ARFGAP1: variants seen among roughly 807,000 people sequenced by gnomAD.
ARFGAP1 encodes ADP-ribosylation factor GTPase-activating protein 1.
In ARFGAP1, 26 loss-of-function variants were observed where a neutral mutation model predicts 54.0. The observed-to-expected ratio is 0.48, with a 90% confidence interval of 0.35 to 0.67. The LOEUF (loss-of-function observed/expected upper bound fraction) is 0.67. ARFGAP1 is among the 30% of genes least tolerant of loss of function. ARFGAP1 has a pLI of 0.00. For synonymous variants in ARFGAP1, 248 were observed against 211.9 expected, an observed-to-expected ratio of 1.17 and a Z score of -1.48; for missense variants, 525 against 535.8, an observed-to-expected ratio of 0.98 and a Z score of 0.20.
In ARFGAP1 at chr20:63,282,811, C is replaced by T. The variant is rs752122107; in HGVS notation, c.685-8C>T. On this transcript the variant is annotated splice_polypyrimidine_tract_variant and splice_region_variant and intron_variant, in intron 8 of 12. Transcript: ENST00000370283. Reference sequence around the variant, plus strand: ...TCTGTCAAGCCTTGTCTTTGTTTTTCATTTTAGGCTACAAAGTTTGGATCC... The same window carrying T: ...TCTGTCAAGCCTTGTCTTTGTTTTTTATTTTAGGCTACAAAGTTTGGATCC... 17 of 1,613,916 alleles carry T rather than the reference C, an allele frequency of 1.1e-5. No individual in the cohort carries two copies. In the South Asian group the frequency reaches 1.9e-4, roughly 18 times the overall value.
rs918455583 is a variant in ARFGAP1 at position 63,289,554 on chromosome 20, C to A, written c.*1681C>A. ...GGGGTAGGGGGACGGCCCACTCTGCCCCAGGGAGTCCCTTTTGATGGGAAG... is the reference window on the plus strand; with the variant it reads ...GGGGTAGGGGGACGGCCCACTCTGCACCAGGGAGTCCCTTTTGATGGGAAG... On this transcript the variant is annotated 3_prime_UTR_variant, in exon 13 of 13. Coordinates refer to ENST00000370283, the MANE Select transcript of ARFGAP1 (RefSeq NM_018209.4). 1 of 152,394 alleles carries A rather than the reference C, an allele frequency of 6.6e-6. No homozygotes were observed. The highest frequency in any genetic ancestry group is 2.1e-4 in the South Asian group (1 of 4,834). 9.4% of individuals were successfully genotyped at this position (152,394 alleles called of 1,614,324 possible).
chr20:63,283,030 C>G (rs2067427793), intron 9 of ARFGAP1, 179 bp downstream of exon 9: 1 of 678,930 alleles, frequency 1.5e-6, no homozygotes, highest in South Asian at 1.8e-5. Context: ...GCCCGGGTGG[C>G]TGCCTCATGG....
intron 5 of ARFGAP1, 60 bp downstream of exon 5, chr20:63,277,365 G>T: frequency 3.5e-6 from 5 of 1,413,310 alleles, no homozygotes; most frequent in Non-Finnish European, 3.8e-6. Flanking sequence ...TTAGTAGATT[G>T]GGTTTCCCAC....
In ARFGAP1 at chr20:63,276,705, T is replaced by A. The variant is rs2067245546; in HGVS notation, c.342+54T>A. The A allele has an allele frequency of 6.5e-7, 1 of 1,539,928 alleles. No homozygotes were observed. The highest frequency in any genetic ancestry group is 8.8e-7 in the Non-Finnish European group (1 of 1,140,220). The stretch of plus-strand genomic sequence containing the variant: ...CATGGTGTGGGGCTGCCCTGCCGTT[T>A]GTGGCAGCTGGACTGTGGCCTTTAG... On this transcript the variant is annotated intron_variant, in intron 4 of 12. Transcript: ENST00000370283. This position sits in a 1 kb window ranked among gnomAD's most constrained non-coding sequence, Gnocchi z 5.2.
chr20:63,287,656 C>G lies in ARFGAP1; in HGVS notation c.1004C>G (p.Ala335Gly). ...DQSFWETFGS[A>G]EPTKTRKSPS... ...AGCTTCTGGGAGACCTTTGGAAGTG[C>G]TGAGCCCACCAAGACCCGCAAGTCC... The change falls in exon 13 of 13, where the codon GCT becomes GGT. Residue 335 changes from alanine to glycine, a missense_variant. Ala to Gly is a moderately conservative substitution (Grantham distance 60). Coordinates refer to ENST00000370283, the MANE Select transcript of ARFGAP1 (RefSeq NM_018209.4). The G allele has an allele frequency of 6.2e-7, 1 of 1,612,596 alleles. No homozygotes were observed. Among genetic ancestry groups the G allele is most frequent in the Non-Finnish European group, 8.5e-7 (1 of 1,179,930 alleles).
At chr20:63,274,311 ACCCCCCCCCCCCC>A (rs766440194) in intron 1 of ARFGAP1, 1 of 4,948 alleles carries the variant, frequency 2.0e-4, no homozygotes, top group Non-Finnish European at 6.1e-4. Context: ...TGGAGTTGGG[ACCCCCCCCCCCCC>A]CCCCGCCCAG....
rs1219489144 is a variant in ARFGAP1 at position 63,278,245 on chromosome 20, C to G, written c.530+42C>G. 3 of 1,590,462 alleles carry G rather than the reference C, an allele frequency of 1.9e-6. No homozygotes were observed. The African/African-American group carries it at 4.0e-5, about 21-fold the overall frequency. On this transcript the variant is annotated intron_variant, in intron 6 of 12. Coordinates refer to ENST00000370283, the MANE Select transcript of ARFGAP1 (RefSeq NM_018209.4). ...TGGGGACGCCTGGCGTGGGCCAGGCCCACAGGGTTCAGTCTGGTGGGTAGG... is the reference window on the plus strand; with the variant it reads ...TGGGGACGCCTGGCGTGGGCCAGGCGCACAGGGTTCAGTCTGGTGGGTAGG...
rs936087959 is a variant in ARFGAP1 at position 63,284,369 on chromosome 20, G to A, written c.718-497G>A. Reference sequence around the variant, plus strand: ...CCTCACACCACATCCCCAGGTGGCCGTGTGGCCTCGACTCCACTGACCCAG... The same window carrying A: ...CCTCACACCACATCCCCAGGTGGCCATGTGGCCTCGACTCCACTGACCCAG... On this transcript the variant is annotated intron_variant, in intron 9 of 12. Transcript: ENST00000370283. 70 of 1,060,194 alleles carry A rather than the reference G, an allele frequency of 6.6e-5. No individual in the cohort carries two copies. In the African/African-American group the frequency reaches 7.1e-4, roughly 11 times the overall value. 65.7% of individuals were successfully genotyped at this position (1,060,194 alleles called of 1,614,324 possible).
rs2067308477 is a variant in ARFGAP1 at position 63,278,968 on chromosome 20, C to T, written c.600C>T (p.Leu200=). ...CTCAGAAGAAAGAAGATGACTTCCT[C>T]AACAACGCCATGTCCTCCCTGTACT... is the stretch of plus-strand genomic sequence containing the variant. ...PPPQKKEDDF[L]NNAMSSLYSG... Residue 200 remains leucine, a synonymous_variant, in exon 7 of 13, where the codon CTC becomes CTT. Coordinates refer to ENST00000370283, the MANE Select transcript of ARFGAP1 (RefSeq NM_018209.4). 6.2e-7 allele frequency: 1 copy of T among 1,613,984 alleles called. No individual in the cohort carries two copies. The highest frequency in any genetic ancestry group is 1.1e-5 in the South Asian group (1 of 91,094).
chr20:63,279,430 T>A, intron 7 of ARFGAP1: 1 of 339,124 alleles, frequency 2.9e-6, no homozygotes, highest in Non-Finnish European at 5.7e-6. Context: ...GGTTTCGAAC[T>A]CCTGACTTCA....
At chr20:63,278,011 C>T (rs1417743578) in intron 5 of ARFGAP1, 106 bp from the exon 6 acceptor site, 7 of 1,001,242 alleles carry the variant, frequency 7.0e-6, no homozygotes, top group Admixed American at 3.7e-5. Flanking sequence ...TCAGGGGTGA[C>T]GTGAAGGCAC....
In ARFGAP1 at chr20:63,278,149, C is replaced by T. The variant is rs776043547; in HGVS notation, c.476C>T (p.Ser159Phe). Residue 159 changes from serine (S) to phenylalanine (F), a missense_variant, in exon 6 of 13, where the codon TCC (serine) becomes TTC (phenylalanine). This residue lies in a region of ARFGAP1 where 466 missense variants were observed against 453.6 expected (regional missense o/e 1.03). Coordinates refer to ENST00000370283, the MANE Select transcript of ARFGAP1 (RefSeq NM_018209.4). ...VSGQPQSVTA[S>F]SDKAFEDWLN... ...GGCCAGCCGCAGAGTGTGACCGCCT[C>T]CTCGGACAAGGCTTTTGAAGACTGG... The T allele has an allele frequency of 4.3e-6, 7 of 1,613,798 alleles. No individual in the cohort carries two copies. The South Asian group carries it at 6.6e-5, about 15-fold the overall frequency.
chr20:63,287,970 C>T lies in ARFGAP1; in HGVS notation c.*97C>T. ...TCCTTCCATTTGACCCAAGAATCAG[C>T]AACTGCAGTGTGAGGACAGCGTCTC... On this transcript the variant is annotated 3_prime_UTR_variant, in exon 13 of 13. Transcript: ENST00000370283. 1 of 1,328,560 alleles carries T rather than the reference C, an allele frequency of 7.5e-7. No individual in the cohort carries two copies. Among genetic ancestry groups the T allele is most frequent in the Non-Finnish European group, 1.0e-6 (1 of 997,356 alleles). The allele number at this position is 1,328,560 out of a possible 1,614,324, so 82.3% of individuals were successfully genotyped here.
At chr20:63,275,553 A>G (rs1568729518) in intron 1 of ARFGAP1, 24 bp from the exon 2 acceptor site, 2 of 1,611,258 alleles carry the variant, frequency 1.2e-6, no homozygotes, top group Non-Finnish European at 1.7e-6. Context: ...GTAAGTTTAA[A>G]GTGTTTATTT....
At position 63,276,663 on chromosome 20, in the gene ARFGAP1, C is replaced by T. The variant is rs1222245866; in HGVS notation, c.342+12C>T. 4 of 1,592,510 alleles carry T rather than the reference C, an allele frequency of 2.5e-6. No homozygotes were observed. In the African/African-American group the frequency reaches 4.0e-5, roughly 16 times the overall value. On this transcript the variant is annotated intron_variant, in intron 4 of 12. Coordinates refer to ENST00000370283, the MANE Select transcript of ARFGAP1 (RefSeq NM_018209.4). The surrounding 1 kb of genome is among the most constrained non-coding windows in gnomAD (Gnocchi z 5.2). ...TCTTTAGGGATAAGGTAGAGATGGG[C>T]CCGATTCACTCTTGCCCATGGTGTG...
intron 11 of ARFGAP1, chr20:63,286,089 A>G: frequency 6.5e-7 from 1 of 1,550,042 alleles, no homozygotes; most frequent in Non-Finnish European, 8.7e-7. Context: ...ACGGGGAGGG[A>G]AGAGCAGGCC....
intron 6 of ARFGAP1, 100 bp from the exon 7 acceptor site, chr20:63,278,798 TC>T: frequency 2.8e-6 from 3 of 1,087,080 alleles, no homozygotes; most frequent in Admixed American, 2.1e-5. Flanking sequence ...CGTTGGCACG[TC>T]CCCCAGAGCC....
chr20:63,281,261 G>C (rs2067373052), intron 7 of ARFGAP1, 30 bp from the exon 8 acceptor site: 3 of 1,584,124 alleles, frequency 1.9e-6, no homozygotes. Context: ...TCCCAGTCCT[G>C]ATGTGGCTGC....
rs374739007 is a variant in ARFGAP1, at chr20:63,284,974, G to A, written c.774+52G>A. The A allele has an allele frequency of 3.2e-5, 51 of 1,601,008 alleles. No homozygotes were observed. The African/African-American group carries it at 5.0e-4, about 16-fold the overall frequency. ...CCTGGAGCCCTTCACTCCAGGGGAC[G>A]TGGGTGTGTCAGGGGTGTTAGGGGG... On this transcript the variant is annotated intron_variant, in intron 10 of 12. Transcript: ENST00000370283.
Sources: allele counts gnomAD v4.1 joint callset, GRCh38; gene constraint gnomAD v4.1.1; regional missense constraint gnomAD v4.1.1; non-coding constraint Gnocchi (gnomAD v3.1); transcripts MANE v1.5; gene names NCBI Gene and HGNC (gene_info 2026-07-23, HGNC 2026-07-21).